Variants in TPSD1 observed in about 807,000 individuals in gnomAD.
TPSD1 encodes tryptase delta 1.
In TPSD1, 30 loss-of-function variants were observed where a neutral mutation model predicts 25.4. The observed-to-expected ratio is 1.18, with a 90% CI of 0.88 to 1.60. The LOEUF (loss-of-function observed/expected upper bound fraction) is 1.60. Among genes scored for constraint, TPSD1 ranks in the 40% most tolerant of loss-of-function variants. The probability of loss-of-function intolerance (pLI) is 0.00; values close to 1 mark genes in which losing one functional copy is unlikely to be tolerated. For synonymous variants in TPSD1, 176 were observed against 149.4 expected (o/e 1.18, Z -1.30); for missense variants, 420 against 324.2 (o/e 1.30, Z -2.27).
chr16:1,257,302 C>T (rs372306222), intron 3 of TPSD1: 7 of 580,640 alleles, frequency 1.2e-5, no homozygotes, highest in South Asian at 9.6e-5. Flanking sequence ...CTCCGTGCCT[C>T]GGTTTCCCCT....
intron 3 of TPSD1, 128 bp from the exon 4 acceptor site, chr16:1,257,930 CG>C: frequency 9.7e-7 from 1 of 1,030,032 alleles, no homozygotes; most frequent in South Asian, 1.6e-5. Context: ...GCCCCTTCCC[CG>C]GGGCTGCAGG....
chr16:1,258,553 C>G lies in TPSD1; in HGVS notation c.*177C>G. The G allele has an allele frequency of 6.3e-7, 1 of 1,579,398 alleles. No homozygotes were observed. Among genetic ancestry groups the G allele is most frequent in the East Asian group, 2.2e-5 (1 of 44,618 alleles). ...GAGGGCCAGCCCCTCCTGTCCAAAC[C>G]ACCACTGCTTCCTACCCAGGTGGTG... On this transcript the variant is annotated 3_prime_UTR_variant, in exon 5 of 5. Coordinates refer to ENST00000211076, the MANE Select transcript of TPSD1 (RefSeq NM_012217.3).
chr16:1,256,174 C>T lies in TPSD1; in HGVS notation c.-107C>T. 3 of 1,537,726 alleles carry T rather than the reference C, an allele frequency of 2.0e-6. No homozygotes were observed. The highest frequency in any genetic ancestry group is 2.3e-5 in the South Asian group (2 of 86,706). On this transcript the variant is annotated 5_prime_UTR_variant, in exon 1 of 5. Coordinates refer to ENST00000211076, the MANE Select transcript of TPSD1 (RefSeq NM_012217.3). Reference sequence around the variant, plus strand: ...GCCTCAGACTCAGAGCACCAAGACCCAGGCCCGCAGGCCTGGACCCACCCC... The same window carrying T: ...GCCTCAGACTCAGAGCACCAAGACCTAGGCCCGCAGGCCTGGACCCACCCC...
At chr16:1,257,829 C>T (rs2031007959) in intron 3 of TPSD1, 1 of 599,934 alleles carries the variant, frequency 1.7e-6, no homozygotes, top group Admixed American at 3.1e-5. Flanking sequence ...TGGCAACCTC[C>T]AGGGCCCTCC....
Position 1,256,079 on chromosome 16 carries a change from G to T in TPSD1, c.-202G>T. 6 of 885,986 alleles carry T rather than the reference G, an allele frequency of 6.8e-6. No individual in the cohort carries two copies. In the South Asian group the frequency reaches 1.0e-4, roughly 15 times the overall value. 54.9% of individuals were successfully genotyped at this position (885,986 alleles called of 1,614,324 possible). A position where few individuals can be genotyped will look rare whatever the true frequency, so the allele number is the denominator to read the frequency against. ...GAGAGCCCGCTGGGTAGAAGGAACA[G>T]GGAGTGGCCAGGGTAAGTCCCTACT... On this transcript the variant is annotated 5_prime_UTR_variant, in exon 1 of 5. It adds an upstream start codon to the 5' untranslated region. Transcript: ENST00000211076.
Position 1,256,200 on chromosome 16 carries a change from G to A in TPSD1, c.-81G>A, listed in dbSNP as rs966130380. Reference sequence around the variant, plus strand: ...AGGCCCGCAGGCCTGGACCCACCCCGGTCCCCCCGTCCCAGCTCCATTCTT... The same window carrying A: ...AGGCCCGCAGGCCTGGACCCACCCCAGTCCCCCCGTCCCAGCTCCATTCTT... On this transcript the variant is annotated 5_prime_UTR_variant, in exon 1 of 5. Transcript: ENST00000211076. 3.3e-5 allele frequency: 52 copies of A among 1,597,604 alleles called. No homozygotes were observed. Among genetic ancestry groups the A allele is most frequent in the East Asian group, 2.3e-4 (10 of 44,432 alleles).
chr16:1,258,054 C>A lies in TPSD1; in HGVS notation c.521-5C>A. On this transcript the variant is annotated splice_region_variant and splice_polypyrimidine_tract_variant and intron_variant, in intron 3 of 4. Transcript: ENST00000211076. Reference sequence around the variant, plus strand: ...ACCCGGCTCCACGCCCCCCTCCGCCCCCAGTGCACCTGCCGCCGCCATACC... The same window carrying A: ...ACCCGGCTCCACGCCCCCCTCCGCCACCAGTGCACCTGCCGCCGCCATACC... The A allele has an allele frequency of 6.4e-7, 1 of 1,572,954 alleles. No homozygotes were observed. Among genetic ancestry groups the A allele is most frequent in the Non-Finnish European group, 8.6e-7 (1 of 1,160,060 alleles).
Position 1,256,320 on chromosome 16 carries a change from C to T in TPSD1, c.40C>T (p.Leu14=), listed in dbSNP as rs369303668. Residue 14 remains leucine (L), a synonymous_variant, in exon 1 of 5, where the codon CTG becomes TTG. Transcript: ENST00000211076. ...TCCCCAGATGCTGAGCCTGCTGCTGCTGGCGCTGCCCGTCCTGGCGAGCCC... is the reference window on the plus strand; with the variant it reads ...TCCCCAGATGCTGAGCCTGCTGCTGTTGGCGCTGCCCGTCCTGGCGAGCCC... ...LAPQMLSLLL[L]ALPVLASPAY... The T allele has an allele frequency of 3.7e-6, 6 of 1,613,484 alleles. No individual in the cohort carries two copies. Among genetic ancestry groups the T allele is most frequent in the Non-Finnish European group, 5.1e-6 (6 of 1,179,772 alleles).
chr16:1,256,598 G>A lies in TPSD1; in HGVS notation c.165G>A (p.Leu55=), dbSNP rs781102187. The change falls in exon 2 of 5, where the codon CTG becomes CTA. Residue 55 remains leucine, a synonymous_variant. Transcript: ENST00000211076. ...GCAAGTGGCCCTGGCAGGTGAGCCT[G>A]AGAGTCCGCGGCCCATACTGGATGC... is the stretch of plus-strand genomic sequence containing the variant. ...PRSKWPWQVS[L]RVRGPYWMHF... The A allele has an allele frequency of 3.1e-6, 5 of 1,612,842 alleles. No individual in the cohort carries two copies. The highest frequency in any genetic ancestry group is 4.2e-6 in the Non-Finnish European group (5 of 1,179,764).
At chr16:1,257,516 C>T (rs548070824) in intron 3 of TPSD1, 4 of 244,192 alleles carry the variant, frequency 1.6e-5, no homozygotes, top group Non-Finnish European at 2.4e-5. Flanking sequence ...CTCACTGTGG[C>T]CCTCCACGAG....
At position 1,256,271 on chromosome 16, in the gene TPSD1, C is replaced by G. The variant is rs776417485; in HGVS notation, c.-10C>G. 5 of 1,613,386 alleles carry G rather than the reference C, an allele frequency of 3.1e-6. No individual in the cohort carries two copies. Among genetic ancestry groups the G allele is most frequent in the Non-Finnish European group, 4.2e-6 (5 of 1,179,712 alleles). ...CCAGCCCTGCCCTGTGAGGCCCGGC[C>G]AGGCCCACGATGCTCCTCCTTGCTC... On this transcript the variant is annotated 5_prime_UTR_variant, in exon 1 of 5. Coordinates refer to ENST00000211076, the MANE Select transcript of TPSD1 (RefSeq NM_012217.3).
Position 1,256,483 on chromosome 16 carries a change from G to A in TPSD1, c.83-33G>A, listed in dbSNP as rs2401939. On this transcript the variant is annotated intron_variant, in intron 1 of 4. Transcript: ENST00000211076. ...GAAGGGCTGGTCCCAGGCGTGGGGC[G>A]GCTTCTTGGTCCTGACCTGGCACCT... The A allele has an allele frequency of 2.9e-3, 4,381 of 1,535,928 alleles. 110 individuals are homozygous for A. In the African/African-American group the frequency reaches 0.053, roughly 19 times the overall value.
In TPSD1 at chr16:1,258,322, A is replaced by C; in HGVS notation, c.685-10A>C. The C allele has an allele frequency of 6.2e-7, 1 of 1,604,210 alleles. No homozygotes were observed. The highest frequency in any genetic ancestry group is 8.5e-7 in the Non-Finnish European group (1 of 1,179,674). On this transcript the variant is annotated splice_polypyrimidine_tract_variant and intron_variant, in intron 4 of 4. Coordinates refer to ENST00000211076, the MANE Select transcript of TPSD1 (RefSeq NM_012217.3). ...CCTGGCCAGCGAGCACTGACCTCTG[A>C]CCTTCCCAGGGTGACTCTGGAGGGC...
rs183871785 is a variant in TPSD1 at position 1,257,204 on chromosome 16, G to A, written c.520+142G>A. The A allele has an allele frequency of 4.6e-4, 562 of 1,225,042 alleles. 1 individual carries two copies. The African/African-American group carries it at 5.7e-3, about 13-fold the overall frequency. The allele number at this position is 1,225,042 out of a possible 1,614,324, so 75.9% of individuals were successfully genotyped here. A position where few individuals can be genotyped will look rare whatever the true frequency, so the allele number is the denominator to read the frequency against. ...CAGGATGGATGGAGCAGGCGGTGGCGAGAGGCAGCAGGTGCCCTGAGCAGA... is the reference window on the plus strand; with the variant it reads ...CAGGATGGATGGAGCAGGCGGTGGCAAGAGGCAGCAGGTGCCCTGAGCAGA... On this transcript the variant is annotated intron_variant, in intron 3 of 4. Coordinates refer to ENST00000211076, the MANE Select transcript of TPSD1 (RefSeq NM_012217.3).
chr16:1,257,968 C>T, intron 3 of TPSD1, 91 bp from the exon 4 acceptor site: 5 of 1,370,000 alleles, frequency 3.6e-6, no homozygotes, highest in Non-Finnish European at 5.0e-6. Context: ...GCCCATGGTG[C>T]CATCTCCCCT....
rs376298572 is a variant in TPSD1, at chr16:1,257,024, C to G, written c.482C>G (p.Pro161Arg). 1.9e-6 allele frequency: 3 copies of G among 1,612,792 alleles called. No individual in the cohort carries two copies. The highest frequency in any genetic ancestry group is 2.5e-6 in the Non-Finnish European group (3 of 1,179,562). Reference sequence around the variant, plus strand: ...TCGGAGACCTTCCCCCCGGGGATGCCGTGCTGGGTCACTGGCTGGGGCGAC... The same window carrying G: ...TCGGAGACCTTCCCCCCGGGGATGCGGTGCTGGGTCACTGGCTGGGGCGAC... ...PASETFPPGM[P>R]CWVTGWGDVD... Residue 161 changes from proline (P) to arginine (R), a missense_variant, in exon 3 of 5, where the codon CCG becomes CGG. Physicochemically the swap from Pro to Arg is moderately radical, Grantham distance 103. Coordinates refer to ENST00000211076, the MANE Select transcript of TPSD1 (RefSeq NM_012217.3).
At position 1,256,524 on chromosome 16, in the gene TPSD1, C is replaced by T. The variant is rs1278563315; in HGVS notation, c.91C>T (p.Gln31Ter). ...CCTGGCACCTGCCCCAGCCCCAGGC[C>T]AGGCCCTGCAGCAAACGGGCATTGT... ...SPAYVAPAPG[Q>*]ALQQTGIVGG... Residue 31 changes from glutamine (Q) to a stop codon, truncating the protein, a stop_gained, in exon 2 of 5, where the codon CAG (glutamine) becomes TAG (stop). Transcript: ENST00000211076. LOFTEE classifies it high-confidence loss of function. 1 of 1,608,870 alleles carries T rather than the reference C, an allele frequency of 6.2e-7. No individual in the cohort carries two copies. Among genetic ancestry groups the T allele is most frequent in the Non-Finnish European group, 8.5e-7 (1 of 1,178,658 alleles).
intron 2 of TPSD1, 41 bp downstream of exon 2, chr16:1,256,728 T>C (rs2030978399): frequency 1.2e-6 from 2 of 1,611,830 alleles, no homozygotes; most frequent in South Asian, 2.2e-5. Context: ...AAGGGCTGGA[T>C]GTGAGCCCTG....
chr16:1,257,090 G>C, intron 3 of TPSD1, 28 bp downstream of exon 3: 1 of 1,565,532 alleles, frequency 6.4e-7, no homozygotes, highest in Non-Finnish European at 8.7e-7. Flanking sequence ...CGGGAGGCCG[G>C]GCCAGGTGGG....
Sources: gnomAD v4.1 joint callset for allele counts on GRCh38, gnomAD v4.1.1 for gene constraint, MANE v1.5 for transcripts, NCBI Gene and HGNC (gene_info 2026-07-23, HGNC 2026-07-21) for gene names.